The following DOK6 variants were observed in gnomAD, a reference collection of about 807,000 sequenced individuals.
The protein encoded by DOK6 is downstream of tyrosine kinase 6.
A neutral mutation model predicts 44.0 loss-of-function variants in DOK6; 22 were observed. The observed-to-expected ratio is 0.50, with a 90% CI of 0.36 to 0.71. The LOEUF (loss-of-function observed/expected upper bound fraction) is 0.71, where lower values mean the gene tolerates loss of function less well. Among genes scored for constraint, DOK6 ranks in the 30% least tolerant of loss-of-function variants. The pLI is 0.00. For missense variants in DOK6, 340 were observed against 416.4 expected (o/e 0.82, Z 1.60); for synonymous variants, 166 against 145.5 (o/e 1.14, Z -1.01).
chr18:69,717,407 T>A (rs1052945194), intron 5 of DOK6, among the ~76,000 whole-genome samples: 5 of 152,238 alleles, frequency 3.3e-5, no homozygotes, highest in Non-Finnish European at 7.3e-5. Context: ...ACTTAATAAG[T>A]GCTTATAAAC....
At chr18:69,540,820 A>T (rs1256888294) in intron 1 of DOK6, among the ~76,000 whole-genome samples, 2 of 152,186 alleles carry the variant, frequency 1.3e-5, no homozygotes, top group East Asian at 3.8e-4. Context: ...TTTCACCTAA[A>T]GTTATTTTAG....
intron 5 of DOK6, among the ~76,000 whole-genome samples, chr18:69,735,563 C>T (rs953199269): frequency 1.3e-5 from 2 of 152,250 alleles, no homozygotes; most frequent in African/African-American, 2.4e-5. Flanking sequence ...TGTGACAACA[C>T]ATGCAGTGCC....
intron 7 of DOK6, among the ~76,000 whole-genome samples, chr18:69,800,066 T>C (rs1017489056): frequency 3.6e-5 from 5 of 140,258 alleles, no homozygotes; most frequent in Non-Finnish European, 6.3e-5. Flanking sequence ...CTATTTTTAG[T>C]TTTTCTTTAT....
At chr18:69,748,157 A>C (rs896246657) in intron 6 of DOK6, among the ~76,000 whole-genome samples, 5 of 152,220 alleles carry the variant, frequency 3.3e-5, no homozygotes, top group Non-Finnish European at 5.9e-5. Context: ...AGGGCATTAC[A>C]TAATGGTAAA....
At chr18:69,657,167 C>T (rs762509378) in intron 3 of DOK6, among the ~76,000 whole-genome samples, 13 of 152,076 alleles carry the variant, frequency 8.5e-5, no homozygotes, top group Admixed American at 2.0e-4. Context: ...AGACAGGATC[C>T]ACAGTGATAG....
At chr18:69,701,252 C>T (rs1200505428) in intron 5 of DOK6, among the ~76,000 whole-genome samples, 1 of 152,200 alleles carries the variant, frequency 6.6e-6, no homozygotes, top group Non-Finnish European at 1.5e-5. Flanking sequence ...GGAAACTCTC[C>T]ATGGTAATCA....
chr18:69,724,673 G>C (rs766786), intron 5 of DOK6: 1 of 151,948 alleles, frequency 6.6e-6, no homozygotes, highest in Admixed American at 6.6e-5. Context: ...CTTCCATAGA[G>C]TTTCATCTCA....
intron 2 of DOK6, among the ~76,000 whole-genome samples, chr18:69,578,462 C>T (rs937754875): frequency 2.0e-5 from 3 of 152,036 alleles, no homozygotes; most frequent in African/African-American, 7.2e-5. Flanking sequence ...GAGAGAAATT[C>T]GGATGATAAT....
intron 2 of DOK6, among the ~76,000 whole-genome samples, chr18:69,584,706 G>T (rs4891752): frequency 0.091 from 13,782 of 151,636 alleles, 771 homozygotes; most frequent in East Asian, 0.28. Context: ...CTAAATGTTT[G>T]GTAAATTCAA....
intron 1 of DOK6, among the ~76,000 whole-genome samples, chr18:69,510,523 C>A (rs1047194144): frequency 6.6e-6 from 1 of 151,756 alleles, no homozygotes; most frequent in Non-Finnish European, 1.5e-5. Flanking sequence ...CATTTAAATA[C>A]CAAACAGAGC....
intron 5 of DOK6, among the ~76,000 whole-genome samples, chr18:69,730,813 A>G (rs1351486561): frequency 2.0e-5 from 3 of 152,178 alleles, no homozygotes; most frequent in Non-Finnish European, 4.4e-5. Context: ...TGAATTAAAA[A>G]TTGGTAGTTT....
chr18:69,543,723 C>T (rs1217662075), intron 1 of DOK6, among the ~76,000 whole-genome samples: 3 of 151,444 alleles, frequency 2.0e-5, no homozygotes, highest in African/African-American at 7.3e-5. Context: ...AATATTTCTG[C>T]ACCTTGATTT....
intron 1 of DOK6, among the ~76,000 whole-genome samples, chr18:69,429,659 A>C (rs1270044102): frequency 1.0e-5 from 1 of 97,722 alleles, no homozygotes; most frequent in East Asian, 3.1e-4. Context: ...ATATATATAT[A>C]TATATCTTAT....
At chr18:69,830,129 C>T (rs1394868868) in intron 7 of DOK6, among the ~76,000 whole-genome samples, 1 of 152,042 alleles carries the variant, frequency 6.6e-6, no homozygotes, top group Non-Finnish European at 1.5e-5. Context: ...ACGTCCAAAC[C>T]CACTAAATTA....
At chr18:69,767,647 G>A (rs1261546146) in intron 7 of DOK6, among the ~76,000 whole-genome samples, 2 of 151,938 alleles carry the variant, frequency 1.3e-5, no homozygotes, top group Non-Finnish European at 2.9e-5. Context: ...CTGCCCAGAA[G>A]CCTTTCAGAG....
intron 7 of DOK6, among the ~76,000 whole-genome samples, chr18:69,838,054 G>A (rs376531157): frequency 4.6e-5 from 7 of 151,912 alleles, no homozygotes; most frequent in East Asian, 3.9e-4. Context: ...AATATTAATC[G>A]CATGATTGAC....
chr18:69,606,903 T>TA lies in DOK6; in HGVS notation c.289+7411dup, dbSNP rs200290781. Among the ~76,000 whole-genome samples the TA allele has an allele frequency of 6.6e-4, 100 of 152,086 alleles. 4 individuals carry two copies. In the East Asian group the frequency reaches 0.017, roughly 26 times the overall value. On this transcript the variant is annotated intron_variant, in intron 3 of 7. Transcript: ENST00000382713. Reference sequence around the variant, plus strand: ...TTAGCCTACCTCAACAAGGAAATTTTAAAAAATAAGCCTATCTATCTAAAT... The same window carrying TA: ...TTAGCCTACCTCAACAAGGAAATTTTAAAAAAATAAGCCTATCTATCTAAAT...
intron 3 of DOK6, among the ~76,000 whole-genome samples, chr18:69,601,801 C>T (rs549901744): frequency 2.0e-4 from 30 of 152,130 alleles, no homozygotes; most frequent in African/African-American, 5.3e-4. Flanking sequence ...ATTCTAGGAC[C>T]GGGGCATGAA....
chr18:69,580,273 G>T (rs2144609301), intron 2 of DOK6, among the ~76,000 whole-genome samples: 1 of 152,270 alleles, frequency 6.6e-6, no homozygotes, highest in African/African-American at 2.4e-5. Context: ...TCAGTTCCTT[G>T]TAGCTGTAGA....
Sources: gnomAD v4.1 joint callset for allele counts (sites outside exome capture counted in the v4.1 genomes callset) on GRCh38, gnomAD v4.1.1 for gene constraint, MANE v1.5 for transcripts, NCBI Gene and HGNC (gene_info 2026-07-23, HGNC 2026-07-21) for gene names.